Variants in CUEDC1 observed in about 807,000 individuals in gnomAD.
CUEDC1 encodes CUE domain-containing protein 1.
A neutral mutation model predicts 43.7 loss-of-function variants in CUEDC1; 30 were observed. The ratio of observed to expected loss-of-function variants is 0.69; its 90% CI spans 0.51 to 0.93. The LOEUF is 0.93. CUEDC1 is among the 40% of genes least tolerant of loss of function. CUEDC1 has a pLI of 0.00. For missense variants in CUEDC1, 486 were observed against 549.0 expected (o/e 0.89, Z 1.15); for synonymous variants, 223 against 223.6 (o/e 1.00, Z 0.02).
chr17:57,885,765 T>C lies in CUEDC1; in HGVS notation c.-201A>G, dbSNP rs2074282504. 2.6e-6 allele frequency: 2 copies of C among 781,262 alleles called. No homozygotes were observed. The highest frequency in any genetic ancestry group is 3.8e-5 in the East Asian group (1 of 26,612). The allele number at this position is 781,262 out of a possible 1,614,324, so 48.4% of individuals were successfully genotyped here. A position where few individuals can be genotyped will look rare whatever the true frequency, so the allele number is the denominator to read the frequency against. On this transcript the variant is annotated 5_prime_UTR_variant, in exon 2 of 11. Coordinates refer to ENST00000577830, the MANE Select transcript of CUEDC1 (RefSeq NM_001271875.2). The stretch of plus-strand genomic sequence containing the variant: ...ACGGGCGCGGGGCCCCAGGCAGCCC[T>C]TGGAGAGCGGTCCTCGCGGGGCGGT...
chr17:57,950,182 A>C (rs2074992881), intron 1 of CUEDC1, among the ~76,000 whole-genome samples: 1 of 150,944 alleles, frequency 6.6e-6, no homozygotes, highest in Admixed American at 6.6e-5. Flanking sequence ...ACAGAGTCTC[A>C]CTCTGTCACC....
Position 57,908,346 on chromosome 17 carries a change from C to T in CUEDC1, c.-315-22467G>A, listed in dbSNP as rs150764830. On this transcript the variant is annotated intron_variant, in intron 1 of 10. Coordinates refer to ENST00000577830, the MANE Select transcript of CUEDC1 (RefSeq NM_001271875.2). ...TACTGGGATTACAGGTGTGAGCCACCGCGCCTGGTCATCAGGTTCTTCTTG... is the reference window on the plus strand; with the variant it reads ...TACTGGGATTACAGGTGTGAGCCACTGCGCCTGGTCATCAGGTTCTTCTTG... Among the ~76,000 whole-genome samples the T allele has an allele frequency of 4.2e-3, 647 of 152,236 alleles. 7 individuals carry two copies. The highest frequency in any genetic ancestry group is 0.015 in the African/African-American group (615 of 41,552).
chr17:57,900,642 C>T (rs1276525682), intron 1 of CUEDC1, among the ~76,000 whole-genome samples: 2 of 152,232 alleles, frequency 1.3e-5, no homozygotes, highest in Non-Finnish European at 1.5e-5. Flanking sequence ...CTTCCACCAT[C>T]ATCATCACCA....
intron 1 of CUEDC1, among the ~76,000 whole-genome samples, chr17:57,904,162 G>A (rs1049477872): frequency 3.3e-5 from 5 of 152,068 alleles, no homozygotes; most frequent in African/African-American, 1.2e-4. Flanking sequence ...GCTCTAGGAA[G>A]ACTGCCTTCC....
intron 3 of CUEDC1, among the ~76,000 whole-genome samples, chr17:57,874,709 TG>T (rs1415741666): frequency 4.0e-5 from 6 of 151,868 alleles, no homozygotes; most frequent in Non-Finnish European, 7.4e-5. Flanking sequence ...GGCCGGGCGG[TG>T]GGGGCTGCTC....
At chr17:57,867,495 C>A in intron 8 of CUEDC1, 80 bp from the exon 9 acceptor site, 2 of 1,303,594 alleles carry the variant, frequency 1.5e-6, no homozygotes, top group Non-Finnish European at 2.2e-6. Flanking sequence ...ACTCTCTGCC[C>A]CACCCCTCAA....
At chr17:57,942,224 C>A (rs2143211809) in intron 1 of CUEDC1, among the ~76,000 whole-genome samples, 1 of 152,266 alleles carries the variant, frequency 6.6e-6, no homozygotes, top group East Asian at 1.9e-4. Flanking sequence ...GTGCTCACAT[C>A]TGAAGTCCTG....
At position 57,893,937 on chromosome 17, in the gene CUEDC1, T is replaced by C. The variant is rs188123047; in HGVS notation, c.-315-8058A>G. ...GGTGAAACACCGTCTCTACTAAAAA[T>C]ACAAAAATTAGCCAGGCATGGTGGT... is the stretch of plus-strand genomic sequence containing the variant. On this transcript the variant is annotated intron_variant, in intron 1 of 10. Transcript: ENST00000577830. Among the ~76,000 whole-genome samples the C allele has an allele frequency of 3.9e-4, 59 of 152,098 alleles. No individual in the cohort carries two copies. The East Asian group carries it at 0.01, about 27-fold the overall frequency.
At chr17:57,948,790 C>T (rs1023754714) in intron 1 of CUEDC1, among the ~76,000 whole-genome samples, 1 of 152,204 alleles carries the variant, frequency 6.6e-6, no homozygotes, top group Non-Finnish European at 1.5e-5. Flanking sequence ...TTACTTGAAT[C>T]CTCCCTCTGT....
chr17:57,872,665 C>G lies in CUEDC1; in HGVS notation c.782G>C (p.Arg261Thr). 6.2e-7 allele frequency: 1 copy of G among 1,613,910 alleles called. No individual in the cohort carries two copies. Among genetic ancestry groups the G allele is most frequent in the Non-Finnish European group, 8.5e-7 (1 of 1,180,014 alleles). ...AAGTGGCTGCAGGCGCTGCCCACCT[C>G]TCTCCAGAGCGAGGAGGAAGTCGCG... ...RNRDFLLALE[R>T]DRLKYESQKS... The change falls in exon 5 of 11, where the codon AGA becomes ACA. Residue 261 changes from arginine (R) to threonine (T), a missense_variant and splice_region_variant. Physicochemically the swap from Arg to Thr is moderately conservative, Grantham distance 71. Coordinates refer to ENST00000577830, the MANE Select transcript of CUEDC1 (RefSeq NM_001271875.2).
rs1359977950 is a variant in CUEDC1, at chr17:57,954,729, T to C, written c.-316+496A>G. ...GCAGGAAGCGAAGCTCCCCTCCCCCTGAAAGGCGCTCGGCTCCCAGCAGGC... is the reference window on the plus strand; with the variant it reads ...GCAGGAAGCGAAGCTCCCCTCCCCCCGAAAGGCGCTCGGCTCCCAGCAGGC... On this transcript the variant is annotated intron_variant, in intron 1 of 10. Transcript: ENST00000577830. The surrounding 1 kb of genome is among the most constrained non-coding windows in gnomAD (Gnocchi z 4.3). Among the ~76,000 whole-genome samples, 1 of 152,006 alleles carries C rather than the reference T, an allele frequency of 6.6e-6. No individual in the cohort carries two copies. The highest frequency in any genetic ancestry group is 1.5e-5 in the Non-Finnish European group (1 of 67,954).
chr17:57,881,300 G>A (rs1180283686), intron 2 of CUEDC1, among the ~76,000 whole-genome samples: 3 of 152,228 alleles, frequency 2.0e-5, no homozygotes, highest in Non-Finnish European at 4.4e-5. Flanking sequence ...TTTCCTTTGA[G>A]GCCAAAAGTA....
intron 1 of CUEDC1, among the ~76,000 whole-genome samples, chr17:57,923,466 A>G (rs1367561465): frequency 6.6e-6 from 1 of 152,206 alleles, no homozygotes; most frequent in Non-Finnish European, 1.5e-5. Flanking sequence ...GCTTTCACGT[A>G]GAGCTGCCGT....
At chr17:57,904,769 G>A (rs559873058) in intron 1 of CUEDC1, among the ~76,000 whole-genome samples, 1 of 152,274 alleles carries the variant, frequency 6.6e-6, no homozygotes, top group East Asian at 1.9e-4. Flanking sequence ...CTACCGTAGG[G>A]GAGTGGGGGG....
intron 3 of CUEDC1, among the ~76,000 whole-genome samples, chr17:57,878,148 CAG>C (rs1253764654): frequency 1.3e-5 from 2 of 152,172 alleles, no homozygotes. Flanking sequence ...GCTGCAATCA[CAG>C]AGACTTTTCT....
chr17:57,950,461 ATTTT>A (rs201206662), intron 1 of CUEDC1, among the ~76,000 whole-genome samples: 2 of 145,202 alleles, frequency 1.4e-5, no homozygotes, highest in South Asian at 2.2e-4. Flanking sequence ...CCTCTTTTTT[ATTTT>A]TTTATTTATT....
chr17:57,941,605 A>G (rs2074917732), intron 1 of CUEDC1, among the ~76,000 whole-genome samples: 1 of 152,212 alleles, frequency 6.6e-6, no homozygotes, highest in African/African-American at 2.4e-5. Context: ...TAACCTCTCT[A>G]CTTTTGTAGA....
At chr17:57,881,763 C>T (rs1025665751) in intron 2 of CUEDC1, among the ~76,000 whole-genome samples, 2 of 152,148 alleles carry the variant, frequency 1.3e-5, no homozygotes, top group African/African-American at 4.8e-5. Flanking sequence ...GCAATCAGCC[C>T]TCCCCAGCCA....
intron 1 of CUEDC1, among the ~76,000 whole-genome samples, chr17:57,888,382 G>A (rs1006989835): frequency 6.6e-6 from 1 of 152,220 alleles, no homozygotes; most frequent in South Asian, 2.1e-4. Context: ...TGTTGACTGA[G>A]TGAAGCATGA....
Sources: gnomAD v4.1 joint callset for allele counts (sites outside exome capture counted in the v4.1 genomes callset) on GRCh38, gnomAD v4.1.1 for gene constraint, Gnocchi (gnomAD v3.1) non-coding constraint, MANE v1.5 for transcripts, NCBI Gene and HGNC (gene_info 2026-07-23, HGNC 2026-07-21) for gene names.